KSR1: variants seen among roughly 807,000 people sequenced by gnomAD.
KSR1 encodes the protein kinase suppressor of ras 1.
In KSR1, 35 loss-of-function variants were observed where a neutral mutation model predicts 92.9. The observed-to-expected ratio is 0.38, with a 90% CI of 0.29 to 0.50. KSR1 has a LOEUF of 0.50. Among genes scored for constraint, KSR1 ranks in the 20% least tolerant of loss-of-function variants. The pLI, the probability that KSR1 is intolerant of heterozygous loss-of-function variation, is 0.94. For missense variants in KSR1, 972 were observed against 1,158.5 expected (o/e 0.84, Z 2.34); for synonymous variants, 467 against 472.6 (o/e 0.99, Z 0.15).
intron 1 of KSR1, among the ~76,000 whole-genome samples, chr17:27,515,122 A>AT (rs2069739297): frequency 6.6e-6 from 1 of 152,238 alleles, no homozygotes; most frequent in African/African-American, 2.4e-5. Context: ...ACTGGATAAA[A>AT]TAGATAGGAA....
At chr17:27,612,525 C>T (rs2073949698) in intron 18 of KSR1, 1 of 152,164 alleles carries the variant, frequency 6.6e-6, no homozygotes, top group Admixed American at 6.5e-5. Flanking sequence ...CATGGCTTTC[C>T]CAGGCCCGAT....
chr17:27,500,800 G>A (rs1027853188), intron 1 of KSR1, among the ~76,000 whole-genome samples: 6 of 152,114 alleles, frequency 3.9e-5, no homozygotes, highest in African/African-American at 1.2e-4. Flanking sequence ...GGCCCTCTGC[G>A]AGTAGCGGGG....
intron 2 of KSR1, among the ~76,000 whole-genome samples, chr17:27,565,428 T>C (rs1275542150): frequency 6.6e-6 from 1 of 152,230 alleles, no homozygotes; most frequent in Non-Finnish European, 1.5e-5. Context: ...CGTGAAATTA[T>C]GTTTATTTAG....
At chr17:27,512,726 A>G (rs1429288192) in intron 1 of KSR1, among the ~76,000 whole-genome samples, 1 of 152,234 alleles carries the variant, frequency 6.6e-6, no homozygotes, top group Non-Finnish European at 1.5e-5. Flanking sequence ...CCGTCTCCAA[A>G]CAAACAAAAA....
At chr17:27,538,572 T>C (rs1170374008) in intron 1 of KSR1, among the ~76,000 whole-genome samples, 1 of 152,200 alleles carries the variant, frequency 6.6e-6, no homozygotes, top group East Asian at 1.9e-4. Context: ...GGATCAATTA[T>C]GTCACACTCG....
At chr17:27,584,907 C>G (rs920856142) in intron 4 of KSR1, among the ~76,000 whole-genome samples, 2 of 152,136 alleles carry the variant, frequency 1.3e-5, no homozygotes, top group African/African-American at 4.8e-5. Context: ...TCTCTGCCCT[C>G]CTGTCCAGCC....
chr17:27,569,137 A>T (rs1452800210), intron 2 of KSR1, among the ~76,000 whole-genome samples: 1 of 152,252 alleles, frequency 6.6e-6, no homozygotes, highest in African/African-American at 2.4e-5. Flanking sequence ...TTTTTTAAAA[A>T]GAATTAAAAT....
In KSR1 at chr17:27,583,114, T is replaced by C. The variant is rs146797785; in HGVS notation, c.980+9T>C. On this transcript the variant is annotated intron_variant, in intron 4 of 20. Transcript: ENST00000644974. ...GACGTCTCCTCGATGAGGTGAGTGC[T>C]CCTTCTGGGCAGCTACCAAAAGTGC... 4 of 1,517,126 alleles carry C rather than the reference T, an allele frequency of 2.6e-6. No individual in the cohort carries two copies. The highest frequency in any genetic ancestry group is 1.4e-5 in the African/African-American group (1 of 72,506). The allele number at this position is 1,517,126 out of a possible 1,614,324, so 94.0% of individuals were successfully genotyped here.
chr17:27,474,373 A>G (rs533603896), intron 1 of KSR1, among the ~76,000 whole-genome samples: 3 of 152,370 alleles, frequency 2.0e-5, no homozygotes, highest in South Asian at 2.1e-4. Context: ...CTGCTGGACC[A>G]TGGGTGGCTT....
rs529648265 is a variant in KSR1 at position 27,521,327 on chromosome 17, G to T, written c.232-29241G>T. Among the ~76,000 whole-genome samples the T allele has an allele frequency of 4.4e-3, 672 of 151,182 alleles. 3 individuals are homozygous for T. The highest frequency in any genetic ancestry group is 0.016 in the African/African-American group (649 of 41,106). On this transcript the variant is annotated intron_variant, in intron 1 of 20. Coordinates refer to ENST00000644974, the MANE Select transcript of KSR1 (RefSeq NM_001394583.1). ...CCATGAGGACAGTGAGTTGACAAAG[G>T]CCATTCCTTTTTTTTTTTTTTTTTT...
intron 1 of KSR1, among the ~76,000 whole-genome samples, chr17:27,473,416 C>G (rs922341075): frequency 6.6e-5 from 10 of 152,174 alleles, no homozygotes; most frequent in African/African-American, 2.2e-4. Context: ...AGTAACAGAG[C>G]GTGGGGATCT....
chr17:27,598,848 G>A (rs2073440840), intron 10 of KSR1, among the ~76,000 whole-genome samples: 1 of 152,112 alleles, frequency 6.6e-6, no homozygotes, highest in African/African-American at 2.4e-5. Flanking sequence ...GCACCAATGG[G>A]TCAACCCTCC....
rs1181865617 is a variant in KSR1 at position 27,624,014 on chromosome 17, T to C, written c.*622T>C. On this transcript the variant is annotated 3_prime_UTR_variant, in exon 21 of 21. Transcript: ENST00000644974. ...TCCTGGAGAGCTTGGGTTCACCTTC[T>C]CACCCCTGTAATCCAGGCTGCTCCT... is the stretch of plus-strand genomic sequence containing the variant. The C allele has an allele frequency of 1.7e-5, 3 of 178,758 alleles. No homozygotes were observed. The highest frequency in any genetic ancestry group is 6.3e-5 in the Admixed American group (1 of 15,964). The allele number at this position is 178,758 out of a possible 1,614,324, so 11.1% of individuals were successfully genotyped here.
At chr17:27,480,081 A>G (rs955004154) in intron 1 of KSR1, among the ~76,000 whole-genome samples, 1 of 152,306 alleles carries the variant, frequency 6.6e-6, no homozygotes, top group East Asian at 1.9e-4. Context: ...ATTGACTCTC[A>G]TTCCACTTGG....
intron 1 of KSR1, among the ~76,000 whole-genome samples, chr17:27,504,252 C>T (rs1482924920): frequency 6.6e-6 from 1 of 152,220 alleles, no homozygotes; most frequent in African/African-American, 2.4e-5. Context: ...CCCAGCCTGG[C>T]TCTGTGAGGC....
At position 27,508,993 on chromosome 17, in the gene KSR1, AGTGCTGGGATT is replaced by A. The variant is rs567764227; in HGVS notation, c.232-41574_232-41564del. Among the ~76,000 whole-genome samples, 4 of 152,120 alleles carry A rather than the reference AGTGCTGGGATT, an allele frequency of 2.6e-5. No individual in the cohort carries two copies. The South Asian group carries it at 8.3e-4, about 32-fold the overall frequency. ...TGATCCACCCACCTTGACCTCCCAAAGTGCTGGGATTACAGGCATGAGCCACCGTTCCCAGC... is the reference window on the plus strand; with the variant it reads ...TGATCCACCCACCTTGACCTCCCAAAACAGGCATGAGCCACCGTTCCCAGC... On this transcript the variant is annotated intron_variant, in intron 1 of 20. Transcript: ENST00000644974.
chr17:27,486,192 AT>A (rs1395210854), intron 1 of KSR1, among the ~76,000 whole-genome samples: 14 of 152,330 alleles, frequency 9.2e-5, no homozygotes, highest in African/African-American at 3.1e-4. Flanking sequence ...GGCTCTGAGC[AT>A]TTGTGATTCT....
chr17:27,546,739 C>T (rs955404292), intron 1 of KSR1, among the ~76,000 whole-genome samples: 8 of 152,042 alleles, frequency 5.3e-5, no homozygotes, highest in East Asian at 1.9e-4. Context: ...TCTCACTGGG[C>T]GGGATGGATC....
At chr17:27,479,161 C>T (rs1024673417) in intron 1 of KSR1, among the ~76,000 whole-genome samples, 3 of 151,246 alleles carry the variant, frequency 2.0e-5, no homozygotes, top group Non-Finnish European at 3.0e-5. Flanking sequence ...CATCCATGCT[C>T]CTCCCTCCAT....
Sources: gnomAD v4.1 joint callset for allele counts (sites outside exome capture counted in the v4.1 genomes callset) on GRCh38, gnomAD v4.1.1 for gene constraint, MANE v1.5 for transcripts, NCBI Gene and HGNC (gene_info 2026-07-23, HGNC 2026-07-21) for gene names.